FMN1: variants seen among roughly 807,000 people sequenced by gnomAD.
FMN1 encodes the protein formin 1.
A neutral mutation model predicts 132.4 loss-of-function variants in FMN1; 110 were observed. The observed-to-expected ratio is 0.83, with a 90% CI of 0.71 to 0.97. The LOEUF (loss-of-function observed/expected upper bound fraction) is 0.97. Among genes scored for constraint, FMN1 ranks in the 50% least tolerant of loss-of-function variants. FMN1 has a pLI of 0.00. For synonymous variants in FMN1, 722 were observed against 651.7 expected, an observed-to-expected ratio of 1.11 and a Z score of -1.64; for missense variants, 1,792 against 1,705.3, an observed-to-expected ratio of 1.05 and a Z score of -0.90.
intron 4 of FMN1, among the ~76,000 whole-genome samples, chr15:33,149,226 C>G (rs1413590294): frequency 6.6e-6 from 1 of 152,144 alleles, no homozygotes; most frequent in African/African-American, 2.4e-5. Flanking sequence ...TTCTTCCACA[C>G]TCATCTCCAT....
intron 3 of FMN1, among the ~76,000 whole-genome samples, chr15:33,164,777 C>T (rs1055139170): frequency 1.3e-5 from 2 of 152,044 alleles, no homozygotes; most frequent in Non-Finnish European, 2.9e-5. Context: ...AAGCCCTTTC[C>T]CCCTGATTTA....
rs945788184 is a variant in FMN1 at position 33,150,515 on chromosome 15, A to G, written c.1867+2533T>C. The G allele has an allele frequency of 1.1e-5, 11 of 985,372 alleles. No homozygotes were observed. The African/African-American group carries it at 1.9e-4, about 17-fold the overall frequency. 61.0% of individuals were successfully genotyped at this position (985,372 alleles called of 1,614,324 possible). On this transcript the variant is annotated intron_variant, in intron 4 of 20. Coordinates refer to ENST00000616417, the MANE Select transcript of FMN1 (RefSeq NM_001277313.2). ...TTGAAATGAGAAGTTAAGAAATTAC[A>G]AACCCAACAGAAGGTGCATCGCTGG...
chr15:33,046,238 C>T (rs1202219456), intron 6 of FMN1, among the ~76,000 whole-genome samples: 1 of 152,122 alleles, frequency 6.6e-6, no homozygotes, highest in Non-Finnish European at 1.5e-5. Context: ...CCAGCTTACA[C>T]ATTAGGCCTG....
rs374973403 is a variant in FMN1, at chr15:32,884,684, A to G, written c.3835+3488T>C. On this transcript the variant is annotated intron_variant, in intron 16 of 20. Coordinates refer to ENST00000616417, the MANE Select transcript of FMN1 (RefSeq NM_001277313.2). ...ACAAAGAGGGAGAATGAAAGTAACT[A>G]TTGCCATTGTTTGTGTTTTCTCAAT... Among the ~76,000 whole-genome samples the G allele has an allele frequency of 9.2e-5, 14 of 152,178 alleles. 1 individual carries two copies. The East Asian group carries it at 2.1e-3, about 23-fold the overall frequency.
At chr15:32,981,559 A>ATTATTG (rs2032678121) in intron 7 of FMN1, among the ~76,000 whole-genome samples, 1 of 147,818 alleles carries the variant, frequency 6.8e-6, no homozygotes, top group Non-Finnish European at 1.5e-5. Flanking sequence ...TATTATTATT[A>ATTATTG]TTATTACATT....
chr15:33,111,786 G>A (rs894820441), intron 4 of FMN1, among the ~76,000 whole-genome samples: 13 of 152,106 alleles, frequency 8.5e-5, no homozygotes, highest in African/African-American at 1.7e-4. Flanking sequence ...GGGCTGGACG[G>A]GGTTGTGGGA....
intron 9 of FMN1, among the ~76,000 whole-genome samples, chr15:32,945,891 C>G (rs2061499044): frequency 6.6e-6 from 1 of 152,150 alleles, no homozygotes; most frequent in East Asian, 1.9e-4. Flanking sequence ...TCACATTTTC[C>G]TTTTGCAGAC....
chr15:32,857,759 C>T (rs1337514195), intron 16 of FMN1, among the ~76,000 whole-genome samples: 2 of 152,162 alleles, frequency 1.3e-5, no homozygotes, highest in African/African-American at 2.4e-5. Context: ...TTTTGATAAT[C>T]AGGTCTGAGG....
chr15:32,916,336 A>G (rs144568964), intron 10 of FMN1, among the ~76,000 whole-genome samples: 21 of 152,342 alleles, frequency 1.4e-4, no homozygotes, highest in African/African-American at 5.1e-4. Context: ...CAAGTGTACC[A>G]TGCCCATATA....
chr15:33,045,884 A>G (rs936411208), intron 6 of FMN1, among the ~76,000 whole-genome samples: 17 of 152,202 alleles, frequency 1.1e-4, no homozygotes, highest in African/African-American at 3.1e-4. Flanking sequence ...TATTTCAAAT[A>G]AAAACGGGAT....
chr15:32,962,772 G>A (rs953500336), intron 9 of FMN1, among the ~76,000 whole-genome samples: 18 of 151,344 alleles, frequency 1.2e-4, no homozygotes, highest in Non-Finnish European at 2.4e-4. Flanking sequence ...TCAGAGAAAT[G>A]CAAATCAAAA....
intron 6 of FMN1, among the ~76,000 whole-genome samples, chr15:33,017,822 T>C (rs1015840137): frequency 2.6e-5 from 4 of 152,234 alleles, no homozygotes; most frequent in Non-Finnish European, 5.9e-5. Context: ...CCCAGCACTT[T>C]GGGAGACTGA....
At chr15:33,054,040 A>G (rs917751563) in intron 6 of FMN1, among the ~76,000 whole-genome samples, 10 of 152,154 alleles carry the variant, frequency 6.6e-5, no homozygotes, top group Admixed American at 3.9e-4. Context: ...AGGTGCTAAA[A>G]AATCCAACCC....
intron 7 of FMN1, among the ~76,000 whole-genome samples, chr15:32,975,551 G>C (rs772360635): frequency 3.3e-5 from 5 of 152,128 alleles, no homozygotes; most frequent in Non-Finnish European, 4.4e-5. Context: ...ACTGAAACTA[G>C]AGCAGACATA....
chr15:33,025,756 A>ATCT (rs2035635359), intron 6 of FMN1, among the ~76,000 whole-genome samples: 1 of 152,238 alleles, frequency 6.6e-6, no homozygotes, highest in African/African-American at 2.4e-5. Context: ...AGAATGACAC[A>ATCT]GATAAGGCTC....
Position 32,863,567 on chromosome 15 carries a change from G to A in FMN1, c.3836-6460C>T, listed in dbSNP as rs79924241. Reference sequence around the variant, plus strand: ...GCAAAAGAAACAGACTAAATTCTCTGCCCTCAGACATTATAGTGAATGGGT... The same window carrying A: ...GCAAAAGAAACAGACTAAATTCTCTACCCTCAGACATTATAGTGAATGGGT... On this transcript the variant is annotated intron_variant, in intron 16 of 20. Transcript: ENST00000616417. Among the ~76,000 whole-genome samples, 625 of 152,298 alleles carry A rather than the reference G, an allele frequency of 4.1e-3. 31 individuals carry two copies. The East Asian group carries it at 0.093, about 23-fold the overall frequency.
At chr15:33,078,288 G>A (rs1368097482) in intron 5 of FMN1, among the ~76,000 whole-genome samples, 1 of 152,168 alleles carries the variant, frequency 6.6e-6, no homozygotes, top group Non-Finnish European at 1.5e-5. Context: ...AAATAAATGT[G>A]ACCATCATTA....
intron 9 of FMN1, among the ~76,000 whole-genome samples, chr15:32,927,919 A>G (rs1389837540): frequency 6.6e-6 from 1 of 152,264 alleles, no homozygotes; most frequent in African/African-American, 2.4e-5. Context: ...ACTACTGTGA[A>G]GACAAGACTA....
At chr15:32,927,501 C>G (rs1259422212) in intron 9 of FMN1, among the ~76,000 whole-genome samples, 1 of 152,194 alleles carries the variant, frequency 6.6e-6, no homozygotes, top group East Asian at 1.9e-4. Flanking sequence ...CCAAGCCATC[C>G]TCCCACCTTG....
Sources: allele counts gnomAD v4.1 joint callset (sites outside exome capture counted in the v4.1 genomes callset), GRCh38; gene constraint gnomAD v4.1.1; transcripts MANE v1.5; gene names NCBI Gene and HGNC (gene_info 2026-07-23, HGNC 2026-07-21).